Variants in ELF1 observed in about 807,000 individuals in gnomAD.
ELF1 encodes the protein E74 like ETS transcription factor 1.
A neutral mutation model predicts 59.9 loss-of-function variants in ELF1; 24 were observed. The ratio of observed to expected loss-of-function variants is 0.40; its 90% CI spans 0.29 to 0.56. The LOEUF is 0.56. Among genes scored for constraint, ELF1 ranks in the 20% least tolerant of loss-of-function variants. The pLI is 0.44. For missense variants in ELF1, 627 were observed against 742.2 expected, an observed-to-expected ratio of 0.84 and a Z score of 1.80; for synonymous variants, 248 against 266.2, an observed-to-expected ratio of 0.93 and a Z score of 0.67.
At chr13:40,935,628 G>GTGAGA (rs1869714021) in intron 8 of ELF1, among the ~76,000 whole-genome samples, 1 of 151,884 alleles carries the variant, frequency 6.6e-6, no homozygotes, top group Non-Finnish European at 1.5e-5. Context: ...GAAATCTGGG[G>GTGAGA]TGAGATGGGA....
chr13:41,035,801 T>C (rs1157585489), intron 1 of ELF1, among the ~76,000 whole-genome samples: 1 of 150,434 alleles, frequency 6.6e-6, no homozygotes, highest in African/African-American at 2.4e-5. Context: ...TTGTCTTCTG[T>C]CCCTTTCAGG....
At position 40,982,074 on chromosome 13, in the gene ELF1, A is replaced by G; in HGVS notation, c.-20T>C. Reference sequence around the variant, plus strand: ...AGCCATAATAAAGCATTCCCCTTAGATCCACATGAGAAAAATTCCAAGAAG... The same window carrying G: ...AGCCATAATAAAGCATTCCCCTTAGGTCCACATGAGAAAAATTCCAAGAAG... On this transcript the variant is annotated 5_prime_UTR_variant, in exon 2 of 9. Coordinates refer to ENST00000239882, the MANE Select transcript of ELF1 (RefSeq NM_172373.4). 6.2e-7 allele frequency: 1 copy of G among 1,600,106 alleles called. No individual in the cohort carries two copies. The highest frequency in any genetic ancestry group is 1.1e-5 in the South Asian group (1 of 87,654).
At chr13:41,043,887 G>A in intron 1 of ELF1, among the ~76,000 whole-genome samples, 1 of 152,110 alleles carries the variant, frequency 6.6e-6, no homozygotes, top group South Asian at 2.1e-4. Flanking sequence ...ATTATCTTGG[G>A]CAGTATGGCC....
chr13:41,042,858 G>C (rs1306250506), intron 1 of ELF1, among the ~76,000 whole-genome samples: 1 of 152,124 alleles, frequency 6.6e-6, no homozygotes. Flanking sequence ...GGCATTTCTA[G>C]TTCTAGATCA....
intron 3 of ELF1, among the ~76,000 whole-genome samples, chr13:40,956,615 G>C (rs533642499): frequency 5.4e-5 from 8 of 147,422 alleles, no homozygotes; most frequent in African/African-American, 1.7e-4. Context: ...AAGGCTTCAG[G>C]ATTGTCAGTT....
intron 2 of ELF1, among the ~76,000 whole-genome samples, chr13:40,963,962 T>C (rs1872016238): frequency 6.6e-6 from 1 of 151,704 alleles, no homozygotes. Flanking sequence ...CTTGAATCTG[T>C]ATATACAAAA....
At chr13:41,057,781 T>C (rs1593417466) in intron 1 of ELF1, among the ~76,000 whole-genome samples, 1 of 152,170 alleles carries the variant, frequency 6.6e-6, no homozygotes, top group Non-Finnish European at 1.5e-5. Context: ...AGACAGCACC[T>C]AAAATATGCC....
intron 1 of ELF1, among the ~76,000 whole-genome samples, chr13:41,042,310 TTTTTTA>T (rs1566198065): frequency 3.3e-5 from 5 of 151,820 alleles, no homozygotes; most frequent in South Asian, 4.2e-4. Context: ...TTTTCTTTTT[TTTTTTA>T]TTATTATTAT....
At chr13:41,012,817 C>T (rs1369353111) in intron 1 of ELF1, among the ~76,000 whole-genome samples, 1 of 151,948 alleles carries the variant, frequency 6.6e-6, no homozygotes, top group African/African-American at 2.4e-5. Flanking sequence ...TTAGGCTTTC[C>T]AAAGTGCTCA....
intron 2 of ELF1, among the ~76,000 whole-genome samples, chr13:40,975,155 C>T (rs774482563): frequency 2.6e-5 from 4 of 152,198 alleles, no homozygotes; most frequent in Non-Finnish European, 5.9e-5. Flanking sequence ...TCAGTAGCAA[C>T]ACTCCAGCTT....
chr13:40,933,206 TAA>T lies in ELF1; in HGVS notation c.*217_*218del. ...ATCTCAAAAGAATGTCTTCATAGTG[TAA>T]AATGCCTGTTCCTTCACGATTGAAT... On this transcript the variant is annotated 3_prime_UTR_variant, in exon 9 of 9. Transcript: ENST00000239882. 1 of 553,260 alleles carries T rather than the reference TAA, an allele frequency of 1.8e-6. No individual in the cohort carries two copies. The highest frequency in any genetic ancestry group is 3.0e-6 in the Non-Finnish European group (1 of 330,122). 34.3% of individuals were successfully genotyped at this position (553,260 alleles called of 1,614,324 possible). A position where few individuals can be genotyped will look rare whatever the true frequency, so the allele number is the denominator to read the frequency against.
chr13:40,993,730 C>CCG (rs1873991594), intron 1 of ELF1, among the ~76,000 whole-genome samples: 1 of 152,072 alleles, frequency 6.6e-6, no homozygotes, highest in African/African-American at 2.4e-5. Context: ...AGCAATCCTC[C>CCG]CGTCTAGGCC....
chr13:40,976,839 C>G (rs1241398657), intron 2 of ELF1, among the ~76,000 whole-genome samples: 2 of 152,132 alleles, frequency 1.3e-5, no homozygotes, highest in Non-Finnish European at 2.9e-5. Flanking sequence ...GCCACTGCAC[C>G]CGGCACTGTT....
At chr13:41,044,081 T>G (rs900033378) in intron 1 of ELF1, among the ~76,000 whole-genome samples, 40 of 152,148 alleles carry the variant, frequency 2.6e-4, no homozygotes, top group Non-Finnish European at 4.3e-4. Flanking sequence ...GTTCACTCAT[T>G]ATTTGGTTCT....
At chr13:40,948,068 G>C (rs1250723316) in intron 5 of ELF1, among the ~76,000 whole-genome samples, 2 of 152,134 alleles carry the variant, frequency 1.3e-5, no homozygotes, top group Non-Finnish European at 2.9e-5. Context: ...TTGGACATCG[G>C]TCAACAAAAG....
At chr13:41,008,969 A>T (rs9525441) in intron 1 of ELF1, among the ~76,000 whole-genome samples, 116,892 of 146,624 alleles carry the variant, frequency 0.8, 46,723 homozygotes, top group Middle Eastern at 0.93. Flanking sequence ...TTTTTTTTTT[A>T]AAAAAAACAG....
intron 7 of ELF1, among the ~76,000 whole-genome samples, chr13:40,942,280 T>C (rs1188912303): frequency 1.3e-5 from 2 of 152,230 alleles, no homozygotes; most frequent in African/African-American, 4.8e-5. Flanking sequence ...TGCTAAATTT[T>C]ATATCTATAT....
intron 1 of ELF1, among the ~76,000 whole-genome samples, chr13:41,029,672 G>A (rs1009619412): frequency 2.6e-5 from 4 of 152,176 alleles, no homozygotes; most frequent in African/African-American, 9.7e-5. Context: ...GTGAGCCAAA[G>A]TGCCCAGGGA....
intron 1 of ELF1, among the ~76,000 whole-genome samples, chr13:41,047,322 G>A (rs1876890120): frequency 6.6e-6 from 1 of 152,210 alleles, no homozygotes; most frequent in South Asian, 2.1e-4. Context: ...TGCTGGCGAG[G>A]AGCTGCATTC....
Sources: gnomAD v4.1 joint callset for allele counts (sites outside exome capture counted in the v4.1 genomes callset) on GRCh38, gnomAD v4.1.1 for gene constraint, MANE v1.5 for transcripts, NCBI Gene and HGNC (gene_info 2026-07-23, HGNC 2026-07-21) for gene names.